NAPG: variants seen among roughly 807,000 people sequenced by gnomAD.
NAPG encodes NSF attachment protein gamma.
Under a neutral mutation model 48.4 loss-of-function variants are expected in NAPG, and 25 were observed. The ratio of observed to expected loss-of-function variants is 0.52; its 90% CI spans 0.38 to 0.72. The LOEUF (loss-of-function observed/expected upper bound fraction) is 0.72, where lower values mean the gene tolerates loss of function less well. Ranked by LOEUF, NAPG falls within the 30% of genes least tolerant of loss-of-function variation. The probability of loss-of-function intolerance (pLI) is 0.00; values close to 1 mark genes in which losing one functional copy is unlikely to be tolerated. For synonymous variants in NAPG, 139 were observed against 127.2 expected (o/e 1.09, Z -0.62); for missense variants, 359 against 372.5 (o/e 0.96, Z 0.30).
chr18:10,543,831 T>G lies in NAPG; in HGVS notation c.507-2495T>G, dbSNP rs2032205987. Among the ~76,000 whole-genome samples the G allele has an allele frequency of 6.6e-6, 1 of 152,262 alleles. No individual in the cohort carries two copies. Among genetic ancestry groups the G allele is most frequent in the African/African-American group, 2.4e-5 (1 of 41,474 alleles). ...TTATAATAAGTAACTAATACTTTTC[T>G]GGATACATTTAAAAATAGATGGCTT... is the stretch of plus-strand genomic sequence containing the variant. On this transcript the variant is annotated intron_variant, in intron 8 of 11. Transcript: ENST00000322897. The surrounding 1 kb of genome is among the most constrained non-coding windows in gnomAD (Gnocchi z 4.4).
intron 5 of NAPG, among the ~76,000 whole-genome samples, chr18:10,537,581 T>C (rs765564732): frequency 1.3e-5 from 2 of 152,092 alleles, no homozygotes; most frequent in African/African-American, 2.4e-5. Flanking sequence ...TTTAAATCTC[T>C]GCTGTTCAAG....
In NAPG at chr18:10,542,812, A is replaced by C. The variant is rs1324942980; in HGVS notation, c.506+2413A>C. 2.6e-5 allele frequency among the ~76,000 whole-genome samples: 4 copies of C among 152,220 alleles called. No individual in the cohort carries two copies. The highest frequency in any genetic ancestry group is 9.6e-5 in the African/African-American group (4 of 41,454). On this transcript the variant is annotated intron_variant, in intron 8 of 11. Transcript: ENST00000322897. The surrounding 1 kb of genome is among the most constrained non-coding windows in gnomAD (Gnocchi z 4.5). ...CTTCAGTTTTGGAGAGTCAAAATTCAGAAGTGATTCGTAGTTTCATTTAGA... is the reference window on the plus strand; with the variant it reads ...CTTCAGTTTTGGAGAGTCAAAATTCCGAAGTGATTCGTAGTTTCATTTAGA...
Position 10,548,454 on chromosome 18 carries a change from A to G in NAPG, c.665+76A>G. 8.6e-7 allele frequency: 1 copy of G among 1,158,888 alleles called. No individual in the cohort carries two copies. The highest frequency in any genetic ancestry group is 1.3e-6 in the Non-Finnish European group (1 of 777,320). 71.8% of individuals were successfully genotyped at this position (1,158,888 alleles called of 1,614,324 possible). A position where few individuals can be genotyped will look rare whatever the true frequency, so the allele number is the denominator to read the frequency against. ...CTACAACTAAGATTGCTGCTAGGAC[A>G]CATGTTCCTGGCCATGAAACTGTCA... On this transcript the variant is annotated intron_variant, in intron 10 of 11. Transcript: ENST00000322897. This position sits in a 1 kb window ranked among gnomAD's most constrained non-coding sequence, Gnocchi z 4.4.
At chr18:10,529,111 G>T (rs1284315750) in intron 1 of NAPG, among the ~76,000 whole-genome samples, 1 of 152,168 alleles carries the variant, frequency 6.6e-6, no homozygotes. Context: ...CATGTGACTT[G>T]GGATGGTTTG....
chr18:10,528,146 A>C (rs1253480849), intron 1 of NAPG, among the ~76,000 whole-genome samples: 3 of 152,162 alleles, frequency 2.0e-5, no homozygotes, highest in Non-Finnish European at 4.4e-5. Context: ...AGATCGCGCC[A>C]CTGCATTCCA....
chr18:10,526,182 C>G, intron 1 of NAPG, 24 bp downstream of exon 1: 7 of 1,430,342 alleles, frequency 4.9e-6, no homozygotes, highest in Non-Finnish European at 5.6e-6. Flanking sequence ...TTCCGGGGGC[C>G]TGTGTGTAGA....
chr18:10,539,093 G>T lies in NAPG; in HGVS notation c.259-669G>T, dbSNP rs1371657467. 6.6e-6 allele frequency: 1 copy of T among 152,214 alleles called. No individual in the cohort carries two copies. Among genetic ancestry groups the T allele is most frequent in the African/African-American group, 2.4e-5 (1 of 41,436 alleles). 9.4% of individuals were successfully genotyped at this position (152,214 alleles called of 1,614,324 possible). On this transcript the variant is annotated intron_variant, in intron 5 of 11. Transcript: ENST00000322897. This position sits in a 1 kb window ranked among gnomAD's most constrained non-coding sequence, Gnocchi z 4.7. ...CAACCGTTGTGGAAGACAGTGTGGG[G>T]ATTCCTCAAGGATCTAGAACCAGAA...
chr18:10,544,592 G>C lies in NAPG; in HGVS notation c.507-1734G>C, dbSNP rs2032223609. Among the ~76,000 whole-genome samples, 6 of 152,148 alleles carry C rather than the reference G, an allele frequency of 3.9e-5. No homozygotes were observed. Among genetic ancestry groups the C allele is most frequent in the Admixed American group, 3.9e-4 (6 of 15,276 alleles). ...AATTCGAGACATCAGGAGTACTCTGGCCTCTAACTTAAGGAAGGGCCCACC... is the reference window on the plus strand; with the variant it reads ...AATTCGAGACATCAGGAGTACTCTGCCCTCTAACTTAAGGAAGGGCCCACC... On this transcript the variant is annotated intron_variant, in intron 8 of 11. Transcript: ENST00000322897. This position sits in a 1 kb window ranked among gnomAD's most constrained non-coding sequence, Gnocchi z 5.1.
chr18:10,540,018 T>C lies in NAPG; in HGVS notation c.399T>C (p.Ala133=), dbSNP rs761001321. 2.5e-5 allele frequency: 40 copies of C among 1,596,358 alleles called. No individual in the cohort carries two copies. Among genetic ancestry groups the C allele is most frequent in the Non-Finnish European group, 3.4e-5 (40 of 1,170,518 alleles). ...KLIENVDPEK[A]VQLYQQTANV... ...TAGAAAATGTTGATCCAGAGAAGGC[T>C]GTACAGTTATATCAACAGACAGCTA... Residue 133 remains alanine (A), a synonymous_variant, in exon 7 of 12, where the codon GCT becomes GCC. Coordinates refer to ENST00000322897, the MANE Select transcript of NAPG (RefSeq NM_003826.3).
rs571783220 is a variant in NAPG at position 10,533,369 on chromosome 18, A to T, written c.210-167A>T. ...GGTTTTGGGAATTATGTAGTTTTAA[A>T]CTATATTGACAGGTATTGAATTACT... On this transcript the variant is annotated intron_variant, in intron 3 of 11. Coordinates refer to ENST00000322897, the MANE Select transcript of NAPG (RefSeq NM_003826.3). 42 of 488,266 alleles carry T rather than the reference A, an allele frequency of 8.6e-5. 1 individual carries two copies. The East Asian group carries it at 1.4e-3, about 16-fold the overall frequency. The allele number at this position is 488,266 out of a possible 1,614,324, so 30.2% of individuals were successfully genotyped here. A position where few individuals can be genotyped will look rare whatever the true frequency, so the allele number is the denominator to read the frequency against.
At chr18:10,529,003 T>A (rs2031875291) in intron 1 of NAPG, among the ~76,000 whole-genome samples, 1 of 152,230 alleles carries the variant, frequency 6.6e-6, no homozygotes, top group Non-Finnish European at 1.5e-5. Flanking sequence ...TTGGTCAGTT[T>A]CCTTATTGAT....
At chr18:10,533,721 C>G (rs2031977093) in intron 4 of NAPG, among the ~76,000 whole-genome samples, 168 bp downstream of exon 4, 1 of 152,072 alleles carries the variant, frequency 6.6e-6, no homozygotes, top group Non-Finnish European at 1.5e-5. Context: ...AAGACTTACT[C>G]CTAACTGTAA....
In NAPG at chr18:10,543,510, A is replaced by G. The variant is rs1249045817; in HGVS notation, c.507-2816A>G. On this transcript the variant is annotated intron_variant, in intron 8 of 11. Coordinates refer to ENST00000322897, the MANE Select transcript of NAPG (RefSeq NM_003826.3). The surrounding 1 kb of genome is among the most constrained non-coding windows in gnomAD (Gnocchi z 4.4). ...ATAAACTTAGCTGGGAATATGACAC[A>G]TAAACTAAACATTTCTGTAGGTAGT... Among the ~76,000 whole-genome samples, 1 of 152,256 alleles carries G rather than the reference A, an allele frequency of 6.6e-6. No homozygotes were observed. The highest frequency in any genetic ancestry group is 1.5e-5 in the Non-Finnish European group (1 of 68,048).
At position 10,548,260 on chromosome 18, in the gene NAPG, C is replaced by A; in HGVS notation, c.586-39C>A. 6.8e-7 allele frequency: 1 copy of A among 1,462,474 alleles called. No individual in the cohort carries two copies. The highest frequency in any genetic ancestry group is 9.6e-7 in the Non-Finnish European group (1 of 1,043,284). The allele number at this position is 1,462,474 out of a possible 1,614,324, so 90.6% of individuals were successfully genotyped here. A position where few individuals can be genotyped will look rare whatever the true frequency, so the allele number is the denominator to read the frequency against. The stretch of plus-strand genomic sequence containing the variant: ...CTGCCAGGTTATTGACTTTATTAAA[C>A]AGATGTAAATTTGACCATGATCCTC... On this transcript the variant is annotated intron_variant, in intron 9 of 11. Transcript: ENST00000322897. This position sits in a 1 kb window ranked among gnomAD's most constrained non-coding sequence, Gnocchi z 4.4.
intron 1 of NAPG, among the ~76,000 whole-genome samples, chr18:10,529,949 A>AT (rs1198625194): frequency 6.6e-6 from 1 of 152,170 alleles, no homozygotes; most frequent in Non-Finnish European, 1.5e-5. Flanking sequence ...GGTTTGGGCA[A>AT]TTTCTATGCA....
At chr18:10,536,631 A>T (rs551586) in intron 5 of NAPG, among the ~76,000 whole-genome samples, 1 of 151,968 alleles carries the variant, frequency 6.6e-6, no homozygotes, top group Non-Finnish European at 1.5e-5. Flanking sequence ...TCACAGCCTC[A>T]CTTGATTTTA....
chr18:10,541,943 T>C (rs1392340684), intron 8 of NAPG, among the ~76,000 whole-genome samples: 1 of 151,536 alleles, frequency 6.6e-6, no homozygotes, highest in African/African-American at 2.4e-5. Flanking sequence ...TCGGGGGAGG[T>C]CAGATGAGGA....
chr18:10,545,008 A>G (rs963379858), intron 8 of NAPG, among the ~76,000 whole-genome samples: 8 of 152,086 alleles, frequency 5.3e-5, no homozygotes, highest in South Asian at 2.1e-4. Context: ...ACATGCCACT[A>G]TTTTTAAAAA....
At chr18:10,526,238 G>GGGCTTTCCCC (rs2143078320) in intron 1 of NAPG, 80 bp downstream of exon 1, 2 of 858,066 alleles carry the variant, frequency 2.3e-6, no homozygotes, top group Non-Finnish European at 3.8e-6. Flanking sequence ...CCCGGGGGGG[G>GGGCTTTCCCC]CGGGAGGGAG....
Sources: gnomAD v4.1 joint callset for allele counts (sites outside exome capture counted in the v4.1 genomes callset) on GRCh38, gnomAD v4.1.1 for gene constraint, Gnocchi (gnomAD v3.1) non-coding constraint, MANE v1.5 for transcripts, NCBI Gene and HGNC (gene_info 2026-07-23, HGNC 2026-07-21) for gene names.